Variants in AMPD3 observed in about 807,000 individuals in gnomAD.
AMPD3 encodes AMP deaminase 3.
Under a neutral mutation model 82.3 loss-of-function variants are expected in AMPD3, and 57 were observed. That is an observed-to-expected ratio of 0.69 (90% confidence interval 0.56 to 0.86). AMPD3 has a LOEUF of 0.86. AMPD3 is among the 40% of genes least tolerant of loss of function. The probability of loss-of-function intolerance (pLI) is 0.00; values close to 1 mark genes in which losing one functional copy is unlikely to be tolerated. For missense variants in AMPD3, 870 were observed against 1,003.8 expected, an observed-to-expected ratio of 0.87 and a Z score of 1.80; for synonymous variants, 381 against 394.7, an observed-to-expected ratio of 0.97 and a Z score of 0.41.
Position 10,495,683 on chromosome 11 carries a change from C to A in AMPD3, c.1380C>A (p.His460Gln), listed in dbSNP as rs1849373813. ...WPNLAYWFIQ[H>Q]KVYSPNMRWI... Reference sequence around the variant, plus strand: ...ACCTGGCCTACTGGTTCATCCAGCACAAGGTCTACTCTCCCAACATGCGCT... The same window carrying A: ...ACCTGGCCTACTGGTTCATCCAGCAAAAGGTCTACTCTCCCAACATGCGCT... Residue 460 changes from histidine to glutamine, a missense_variant, in exon 9 of 15, where the codon CAC becomes CAA. Coordinates refer to ENST00000396553, the MANE Select transcript of AMPD3 (RefSeq NM_001025389.2). 6.2e-7 allele frequency: 1 copy of A among 1,614,038 alleles called. No homozygotes were observed. The highest frequency in any genetic ancestry group is 1.7e-5 in the Admixed American group (1 of 60,000).
intron 4 of AMPD3, among the ~76,000 whole-genome samples, chr11:10,483,547 A>G (rs1430678378): frequency 6.6e-6 from 1 of 152,256 alleles, no homozygotes; most frequent in African/African-American, 2.4e-5. Flanking sequence ...TGTACTTTAC[A>G]TGGACAGAGG....
At chr11:10,482,920 C>T (rs146648027) in intron 4 of AMPD3, among the ~76,000 whole-genome samples, 2 of 152,118 alleles carry the variant, frequency 1.3e-5, no homozygotes, top group Non-Finnish European at 2.9e-5. Context: ...GGGCATGTTC[C>T]CTGGGAAGAC....
chr11:10,499,860 C>T, intron 10 of AMPD3: 6 of 985,462 alleles, frequency 6.1e-6, no homozygotes, highest in Non-Finnish European at 7.2e-6. Flanking sequence ...CCTGTCTCAC[C>T]TCCAGAGTAC....
chr11:10,497,089 A>T, intron 10 of AMPD3, 151 bp downstream of exon 10: 1 of 1,050,068 alleles, frequency 9.5e-7, no homozygotes. Flanking sequence ...AGCCCCAAGA[A>T]GCTAGATTTC....
intron 2 of AMPD3, among the ~76,000 whole-genome samples, chr11:10,476,726 G>T (rs192325687): frequency 5.2e-4 from 79 of 152,342 alleles, no homozygotes; most frequent in Middle Eastern, 3.4e-3. Context: ...TCCTCTGGGT[G>T]TGGGCATTCA....
Position 10,496,857 on chromosome 11 carries a change from G to A in AMPD3, c.1476G>A (p.Met492Ile), listed in dbSNP as rs1007413846. The A allele has an allele frequency of 3.7e-6, 6 of 1,614,176 alleles. No individual in the cohort carries two copies. Among genetic ancestry groups the A allele is most frequent in the Non-Finnish European group, 5.1e-6 (6 of 1,180,034 alleles). Reference protein sequence around the residue: ...SKKLLPNFGKMLENIFLPLFK... With the variant: ...SKKLLPNFGKILENIFLPLFK... The stretch of plus-strand genomic sequence containing the variant: ...AGCTGCTGCCAAACTTTGGGAAGAT[G>A]CTGGAGAACATCTTCCTGCCCCTTT... Residue 492 changes from methionine (M) to isoleucine (I), a missense_variant, in exon 10 of 15, where the codon ATG (methionine) becomes ATA (isoleucine). Met to Ile is a conservative substitution (Grantham distance 10, BLOSUM62 1). Coordinates refer to ENST00000396553, the MANE Select transcript of AMPD3 (RefSeq NM_001025389.2).
At chr11:10,453,867 A>G (rs534089940), upstream of AMPD3, among the ~76,000 whole-genome samples, 1 of 152,266 alleles carries the variant, frequency 6.6e-6, no homozygotes, top group East Asian at 1.9e-4. Flanking sequence ...GATTACAGGC[A>G]TGAGCCACCA....
chr11:10,484,923 G>A lies in AMPD3; in HGVS notation c.693G>A (p.Val231=). The change falls in exon 5 of 15, where the codon GTG becomes GTA. Residue 231 remains valine (V), a synonymous_variant. Transcript: ENST00000396553. ...LVHMQGGILF[V]YDNKKMLEHQ... ...ACATGCAGGGGGGCATCCTCTTTGTGTATGATAACAAGAAGATGCTGGAGC... is the reference window on the plus strand; with the variant it reads ...ACATGCAGGGGGGCATCCTCTTTGTATATGATAACAAGAAGATGCTGGAGC... The A allele has an allele frequency of 2.5e-6, 4 of 1,614,078 alleles. No individual in the cohort carries two copies. Among genetic ancestry groups the A allele is most frequent in the Non-Finnish European group, 3.4e-6 (4 of 1,180,012 alleles).
chr11:10,472,752 C>G (rs1036807706), intron 2 of AMPD3, among the ~76,000 whole-genome samples: 1 of 152,066 alleles, frequency 6.6e-6, no homozygotes, highest in African/African-American at 2.4e-5. Flanking sequence ...ACCTGTAATC[C>G]CAGCACTTTG....
At chr11:10,451,082 G>A, upstream of AMPD3, 2 of 1,558,930 alleles carry the variant, frequency 1.3e-6, no homozygotes, top group Non-Finnish European at 1.7e-6. Flanking sequence ...CCTTGGGCCA[G>A]CCCCGCGGAC....
intron 7 of AMPD3, chr11:10,494,417 CACA>C (rs1849329242): frequency 5.7e-6 from 2 of 348,104 alleles, no homozygotes; most frequent in Non-Finnish European, 8.1e-6. Flanking sequence ...GTGATGGTTG[CACA>C]ACAATGTCAA....
At chr11:10,495,101 C>T (rs996030027) in intron 8 of AMPD3, 71 bp downstream of exon 8, 34 of 1,612,466 alleles carry the variant, frequency 2.1e-5, no homozygotes, top group Non-Finnish European at 2.9e-5. Flanking sequence ...GAGTGGGGGC[C>T]CTGTGTGCCC....
chr11:10,457,206 T>G (rs1467399145), intron 1 of AMPD3, among the ~76,000 whole-genome samples: 1 of 151,680 alleles, frequency 6.6e-6, no homozygotes, highest in Non-Finnish European at 1.5e-5. Context: ...GATCTCGAAC[T>G]CCTGGCCTCA....
chr11:10,500,433 C>T (rs1331523606), intron 11 of AMPD3, 184 bp downstream of exon 11: 2 of 534,684 alleles, frequency 3.7e-6, no homozygotes, highest in Non-Finnish European at 4.8e-6. Flanking sequence ...TGAGGCATGT[C>T]TCCACATGAT....
chr11:10,477,609 C>G (rs1352620548), intron 2 of AMPD3, among the ~76,000 whole-genome samples: 1 of 152,160 alleles, frequency 6.6e-6, no homozygotes, highest in Non-Finnish European at 1.5e-5. Flanking sequence ...GTGTAATCAT[C>G]TTTTGGTGCC....
rs75353752 is a variant in AMPD3 at position 10,461,765 on chromosome 11, G to A, written c.221+25G>A. The A allele has an allele frequency of 4.9e-4, 766 of 1,578,724 alleles. 7 individuals carry two copies. In the East Asian group the frequency reaches 0.012, roughly 24 times the overall value. ...GGTTTGTTCCCAAGGCATGGTTTTC[G>A]TGTACATAGAGTCATGCAGACCCAG... On this transcript the variant is annotated intron_variant, in intron 2 of 14. Transcript: ENST00000396553.
At chr11:10,462,322 CAG>C (rs548865430) in intron 2 of AMPD3, among the ~76,000 whole-genome samples, 4 of 152,242 alleles carry the variant, frequency 2.6e-5, no homozygotes, top group South Asian at 4.1e-4. Flanking sequence ...AGAAACCAAA[CAG>C]GGGAGAGAGA....
In AMPD3 at chr11:10,496,931, T is replaced by C; in HGVS notation, c.1550T>C (p.Leu517Pro). 6.2e-7 allele frequency: 1 copy of C among 1,614,038 alleles called. No homozygotes were observed. Among genetic ancestry groups the C allele is most frequent in the Non-Finnish European group, 8.5e-7 (1 of 1,179,928 alleles). ...PQDHRELHLF[L>P]KYVTGFDSVD... is the part of the protein sequence containing the mutation. ...GATCATCGAGAGCTTCACCTCTTCC[T>C]TAAATATGTAAGTGTGGGTGGTGCC... Residue 517 changes from leucine (L) to proline (P), a missense_variant, in exon 10 of 15, where the codon CTT becomes CCT. Leu to Pro is a moderately conservative substitution (Grantham distance 98). Coordinates refer to ENST00000396553, the MANE Select transcript of AMPD3 (RefSeq NM_001025389.2).
chr11:10,450,585 C>T, upstream of AMPD3: 1 of 988,230 alleles, frequency 1.0e-6, no homozygotes, highest in Non-Finnish European at 1.2e-6. Flanking sequence ...TCTGGGGAGC[C>T]CGGCTGGCAT....
Sources: allele counts gnomAD v4.1 joint callset (sites outside exome capture counted in the v4.1 genomes callset), GRCh38; gene constraint gnomAD v4.1.1; transcripts MANE v1.5; gene names NCBI Gene and HGNC (gene_info 2026-07-23, HGNC 2026-07-21).